DCC: variants seen among roughly 807,000 people sequenced by gnomAD.
DCC encodes DCC netrin 1 receptor.
In DCC, 58 loss-of-function variants were observed where a neutral mutation model predicts 172.5. The observed-to-expected ratio is 0.34, with a 90% CI of 0.27 to 0.42. The LOEUF (loss-of-function observed/expected upper bound fraction) is 0.42. Among genes scored for constraint, DCC ranks in the 10% least tolerant of loss-of-function variants. DCC has a pLI of 1.00. For missense variants in DCC, 1,740 were observed against 1,791.0 expected, an observed-to-expected ratio of 0.97 and a Z score of 0.51; for synonymous variants, 709 against 644.5, an observed-to-expected ratio of 1.10 and a Z score of -1.52.
chr18:53,089,810 A>G (rs56287586), intron 7 of DCC, among the ~76,000 whole-genome samples: 23,619 of 152,112 alleles, frequency 0.16, 2,292 homozygotes, highest in African/African-American at 0.27. Flanking sequence ...CAATTTTCTT[A>G]TGATGTAATA....
intron 1 of DCC, among the ~76,000 whole-genome samples, chr18:52,649,572 C>T (rs552605535): frequency 6.6e-6 from 1 of 152,028 alleles, no homozygotes; most frequent in East Asian, 1.9e-4. Flanking sequence ...CCCACCCCCT[C>T]TCACCCTCCT....
chr18:53,450,662 A>C lies in DCC; in HGVS notation c.3392A>C (p.Lys1131Thr), dbSNP rs777608481. Residue 1131 changes from lysine (K) to threonine (T), a missense_variant and splice_region_variant, in exon 23 of 29, where the codon AAG becomes ACG. This residue lies in a region of DCC where 1,732 missense variants were observed against 1,767.4 expected (regional missense o/e 0.98). Transcript: ENST00000442544. ...CGACGCTCTTCAGCCCAGCAGAGAA[A>C]GTAGGTAACAGCTGGTTCCCAAGAG... ...CTRRSSAQQR[K>T]KRATHSAGKR... The C allele has an allele frequency of 6.2e-7, 1 of 1,611,978 alleles. No individual in the cohort carries two copies. The highest frequency in any genetic ancestry group is 1.3e-5 in the African/African-American group (1 of 74,988).
chr18:52,474,146 A>G (rs1454019035), intron 1 of DCC, among the ~76,000 whole-genome samples: 2 of 152,014 alleles, frequency 1.3e-5, no homozygotes, highest in Non-Finnish European at 2.9e-5. Context: ...CTTAAGCTAC[A>G]TTAACAACTT....
intron 11 of DCC, among the ~76,000 whole-genome samples, chr18:53,210,273 C>A (rs983456197): frequency 2.6e-5 from 4 of 152,334 alleles, no homozygotes; most frequent in Non-Finnish European, 5.9e-5. Flanking sequence ...TATTTAATCA[C>A]ATTTAATAGT....
chr18:52,758,063 C>T (rs75634824), intron 2 of DCC, among the ~76,000 whole-genome samples: 5,587 of 152,096 alleles, frequency 0.037, 197 homozygotes, highest in South Asian at 0.16. Flanking sequence ...TAATGAAAAT[C>T]GATTTATCCA....
In DCC at chr18:53,033,845, A is replaced by G. The variant is rs758519170; in HGVS notation, c.986-29460A>G. Among the ~76,000 whole-genome samples, 106 of 152,052 alleles carry G rather than the reference A, an allele frequency of 7.0e-4. 1 individual carries two copies. Among genetic ancestry groups the G allele is most frequent in the Non-Finnish European group, 1.9e-4 (13 of 67,994 alleles). On this transcript the variant is annotated intron_variant, in intron 5 of 28. Coordinates refer to ENST00000442544, the MANE Select transcript of DCC (RefSeq NM_005215.4). ...TCTTCACTTTCTTTTCTAACAATCC[A>G]ACAAAACTTTGCTTATTAAGGTCTC...
intron 2 of DCC, among the ~76,000 whole-genome samples, chr18:52,865,009 G>C (rs908458275): frequency 3.9e-5 from 6 of 152,046 alleles, no homozygotes; most frequent in African/African-American, 4.8e-5. Flanking sequence ...AGGACTACAG[G>C]TGCCTGCCAC....
At chr18:53,315,941 T>C (rs527689227) in intron 13 of DCC, among the ~76,000 whole-genome samples, 123 of 152,344 alleles carry the variant, frequency 8.1e-4, no homozygotes, top group African/African-American at 2.8e-3. Context: ...GATAATACTT[T>C]CTTTTGCTGT....
At chr18:53,430,537 G>C (rs1405146899) in intron 21 of DCC, among the ~76,000 whole-genome samples, 1 of 151,938 alleles carries the variant, frequency 6.6e-6, no homozygotes, top group Non-Finnish European at 1.5e-5. Context: ...TTTTTATCGT[G>C]GAAAAGATTC....
intron 1 of DCC, among the ~76,000 whole-genome samples, chr18:52,539,126 G>A (rs1598897558): frequency 6.6e-6 from 1 of 152,172 alleles, no homozygotes; most frequent in South Asian, 2.1e-4. Context: ...TTGTCTCTGA[G>A]TCAATGTACA....
chr18:52,908,387 A>G (rs1248455138), intron 3 of DCC, among the ~76,000 whole-genome samples: 1 of 152,194 alleles, frequency 6.6e-6, no homozygotes, highest in Non-Finnish European at 1.5e-5. Context: ...TTCCCAAAAC[A>G]TACATGCATC....
At chr18:53,157,653 G>A in intron 8 of DCC, 141 bp downstream of exon 8, 1 of 819,484 alleles carries the variant, frequency 1.2e-6, no homozygotes, top group East Asian at 2.7e-5. Flanking sequence ...TCATTCCCCA[G>A]TGGAGATGTG....
intron 1 of DCC, among the ~76,000 whole-genome samples, chr18:52,748,740 G>A (rs915421923): frequency 1.3e-5 from 2 of 152,202 alleles, no homozygotes; most frequent in African/African-American, 4.8e-5. Flanking sequence ...GAGTGAGCAA[G>A]GTGGAGAAAA....
intron 1 of DCC, among the ~76,000 whole-genome samples, chr18:52,355,643 G>A (rs1378808990): frequency 6.6e-6 from 1 of 151,994 alleles, no homozygotes; most frequent in Admixed American, 6.6e-5. Flanking sequence ...TAGCGCCTGT[G>A]GTGTATTTAA....
chr18:52,715,283 A>C (rs916305994), intron 1 of DCC, among the ~76,000 whole-genome samples: 2 of 91,004 alleles, frequency 2.2e-5, no homozygotes, highest in African/African-American at 8.7e-5. Flanking sequence ...AAAACACTAC[A>C]TTTTTTCTTT....
At chr18:53,435,265 C>T in intron 22 of DCC, 56 bp downstream of exon 22, 1 of 1,232,340 alleles carries the variant, frequency 8.1e-7, no homozygotes, top group East Asian at 2.3e-5. Context: ...ATGGTTAATT[C>T]AAGAGTGTCT....
intron 7 of DCC, among the ~76,000 whole-genome samples, chr18:53,130,011 G>T (rs994832930): frequency 6.6e-6 from 1 of 152,090 alleles, no homozygotes; most frequent in African/African-American, 2.4e-5. Flanking sequence ...AATATTTAGT[G>T]TTGGATTTTA....
rs187621582 is a variant in DCC at position 53,073,342 on chromosome 18, G to A, written c.1261+7176G>A. On this transcript the variant is annotated intron_variant, in intron 7 of 28. Transcript: ENST00000442544. ...AGATCGAGACCATCCTGGCTAACAC[G>A]GTGAAACCTCATCTCTACTAAAAAT... Among the ~76,000 whole-genome samples the A allele has an allele frequency of 6.3e-3, 952 of 152,130 alleles. 14 individuals are homozygous for A. The highest frequency in any genetic ancestry group is 0.021 in the African/African-American group (888 of 41,520).
chr18:52,790,261 T>C (rs1481871981), intron 2 of DCC, among the ~76,000 whole-genome samples: 5 of 152,300 alleles, frequency 3.3e-5, no homozygotes, highest in African/African-American at 1.2e-4. Context: ...TATGGGATCC[T>C]GGGTCTGCAT....
Sources: allele counts gnomAD v4.1 joint callset (sites outside exome capture counted in the v4.1 genomes callset), GRCh38; gene constraint gnomAD v4.1.1; regional missense constraint gnomAD v4.1.1; transcripts MANE v1.5; gene names NCBI Gene and HGNC (gene_info 2026-07-23, HGNC 2026-07-21).